TLK2: variants seen among roughly 807,000 people sequenced by gnomAD.
The protein encoded by TLK2 is tousled like kinase 2, also known as serine/threonine-protein kinase tousled-like 2.
TLK2 carries 6 observed loss-of-function variants against 117.3 expected under a neutral mutation model. That is an observed-to-expected ratio of 0.05 (90% CI 0.03 to 0.10). The LOEUF (loss-of-function observed/expected upper bound fraction) is 0.10. TLK2 is among the 10% of genes least tolerant of loss of function. TLK2 has a pLI of 1.00. For missense variants in TLK2, 299 were observed against 901.2 expected (o/e 0.33, Z 8.56); for synonymous variants, 257 against 316.7 (o/e 0.81, Z 2.00).
chr17:62,500,977 A>T (rs749549323), intron 2 of TLK2, among the ~76,000 whole-genome samples: 2 of 152,182 alleles, frequency 1.3e-5, no homozygotes, highest in Non-Finnish European at 2.9e-5. Flanking sequence ...GGTGACTCAC[A>T]CCTGTAATCC....
At chr17:62,583,681 GA>G (rs2081379983) in intron 15 of TLK2, among the ~76,000 whole-genome samples, 2 of 151,828 alleles carry the variant, frequency 1.3e-5, no homozygotes, top group Non-Finnish European at 2.9e-5. Context: ...GGGTTCAAGT[GA>G]TTCTCCTGGC....
chr17:62,518,448 A>T (rs1567836275), intron 2 of TLK2, among the ~76,000 whole-genome samples: 1 of 152,202 alleles, frequency 6.6e-6, no homozygotes. Context: ...TCATGGCTAT[A>T]ATCTCAGCAC....
chr17:62,584,407 G>A (rs1357749085), intron 15 of TLK2, among the ~76,000 whole-genome samples: 3 of 151,990 alleles, frequency 2.0e-5, no homozygotes, highest in Admixed American at 1.3e-4. Flanking sequence ...GAGCCATCGC[G>A]CCCGGCTTAT....
At chr17:62,495,351 T>C (rs1275404170) in intron 2 of TLK2, among the ~76,000 whole-genome samples, 1 of 152,074 alleles carries the variant, frequency 6.6e-6, no homozygotes, top group East Asian at 1.9e-4. Context: ...GAATGATTAG[T>C]ATAGGATAGC....
At chr17:62,580,977 G>A (rs2081173143) in intron 15 of TLK2, among the ~76,000 whole-genome samples, 1 of 152,022 alleles carries the variant, frequency 6.6e-6, no homozygotes, top group South Asian at 2.1e-4. Flanking sequence ...TATTTCTACT[G>A]TTTTCTTATT....
At chr17:62,584,906 T>C (rs1442548891) in intron 15 of TLK2, among the ~76,000 whole-genome samples, 1 of 152,218 alleles carries the variant, frequency 6.6e-6, no homozygotes, top group Non-Finnish European at 1.5e-5. Flanking sequence ...TGTATATTTG[T>C]GGAAATTAGC....
chr17:62,547,596 C>T (rs541234431), intron 7 of TLK2, among the ~76,000 whole-genome samples: 19 of 152,260 alleles, frequency 1.2e-4, no homozygotes, highest in East Asian at 9.6e-4. Context: ...TAACTGCCAA[C>T]GTCCTCAGTT....
chr17:62,507,827 T>G (rs1356210347), intron 2 of TLK2, among the ~76,000 whole-genome samples: 2 of 152,028 alleles, frequency 1.3e-5, no homozygotes, highest in African/African-American at 4.8e-5. Flanking sequence ...TCCACAGAAT[T>G]TTCTCTAGGC....
chr17:62,538,325 G>A (rs1481969005), intron 7 of TLK2, among the ~76,000 whole-genome samples: 4 of 152,044 alleles, frequency 2.6e-5, no homozygotes, highest in Non-Finnish European at 4.4e-5. Flanking sequence ...ATGAGCCACC[G>A]CGCCTGGCCT....
intron 15 of TLK2, among the ~76,000 whole-genome samples, chr17:62,581,017 A>G (rs2081177225): frequency 6.6e-6 from 1 of 151,764 alleles, no homozygotes; most frequent in Non-Finnish European, 1.5e-5. Context: ...GGTTTTATTT[A>G]TTTATTTATT....
At chr17:62,540,907 G>A (rs2077481682) in intron 7 of TLK2, among the ~76,000 whole-genome samples, 1 of 152,166 alleles carries the variant, frequency 6.6e-6, no homozygotes. Context: ...TGCATGGTTT[G>A]TTTTCCTCCA....
At position 62,540,978 on chromosome 17, in the gene TLK2, T is replaced by C. The variant is rs2077486451; in HGVS notation, c.531+4641T>C. 2.0e-5 allele frequency among the ~76,000 whole-genome samples: 3 copies of C among 152,148 alleles called. No individual in the cohort carries two copies. In the South Asian group the frequency reaches 6.2e-4, roughly 32 times the overall value. On this transcript the variant is annotated intron_variant, in intron 7 of 21. Coordinates refer to ENST00000346027, the MANE Select transcript of TLK2 (RefSeq NM_006852.6). ...CAGATTCCATGCACGCTAGCCACCT[T>C]GTTTTCTCAAATACTCTCTCTCAGT... is the stretch of plus-strand genomic sequence containing the variant.
chr17:62,530,303 A>C (rs554024871), intron 6 of TLK2, among the ~76,000 whole-genome samples: 1 of 152,032 alleles, frequency 6.6e-6, no homozygotes, highest in South Asian at 2.1e-4. Context: ...CAAACAAAAA[A>C]CAACATTTAA....
chr17:62,537,423 G>A (rs2077191464), intron 7 of TLK2, among the ~76,000 whole-genome samples: 1 of 152,214 alleles, frequency 6.6e-6, no homozygotes, highest in African/African-American at 2.4e-5. Flanking sequence ...ATTAGACACT[G>A]TGAGCTGACG....
chr17:62,575,624 A>T (rs1199871628), intron 12 of TLK2, among the ~76,000 whole-genome samples: 1 of 152,188 alleles, frequency 6.6e-6, no homozygotes, highest in Non-Finnish European at 1.5e-5. Context: ...GGAAGAAAAA[A>T]TAATTCTCAC....
intron 2 of TLK2, among the ~76,000 whole-genome samples, chr17:62,495,379 CAA>C (rs2073544792): frequency 6.6e-6 from 1 of 151,924 alleles, no homozygotes; most frequent in East Asian, 1.9e-4. Flanking sequence ...TGAAGCTTAG[CAA>C]AAGAGTTTAG....
rs1216168972 is a variant in TLK2 at position 62,602,148 on chromosome 17, G to A, written c.1827G>A (p.Met609Ile). 6.2e-7 allele frequency: 1 copy of A among 1,613,698 alleles called. No homozygotes were observed. Among genetic ancestry groups the A allele is most frequent in the Non-Finnish European group, 8.5e-7 (1 of 1,179,812 alleles). The change falls in exon 19 of 22, where the codon ATG (methionine) becomes ATA (isoleucine). Residue 609 changes from methionine (M) to isoleucine (I), a missense_variant. Around this residue, in one of 4 missense-constraint regions of TLK2, gnomAD observed 81 missense variants for 370.9 expected, o/e 0.22. Coordinates refer to ENST00000346027, the MANE Select transcript of TLK2 (RefSeq NM_006852.6). Reference protein sequence around the residue: ...DDDSYNSVDGMELTSQGAGTY... With the variant: ...DDDSYNSVDGIELTSQGAGTY... Reference sequence around the variant, plus strand: ...ATAGCTACAATTCAGTGGATGGCATGGAGCTAACATCACAAGGTGCTGGTA... The same window carrying A: ...ATAGCTACAATTCAGTGGATGGCATAGAGCTAACATCACAAGGTGCTGGTA...
chr17:62,584,881 T>C (rs894891807), intron 15 of TLK2, among the ~76,000 whole-genome samples: 7 of 152,210 alleles, frequency 4.6e-5, no homozygotes, highest in African/African-American at 1.7e-4. Flanking sequence ...TCTGCACTTG[T>C]TGCCTTCATT....
At chr17:62,573,119 TGAAA>T in intron 11 of TLK2, 92 bp from the exon 12 acceptor site, 1 of 1,385,192 alleles carries the variant, frequency 7.2e-7, no homozygotes, top group Non-Finnish European at 9.6e-7. Context: ...TTATTTTTTC[TGAAA>T]TTGGATACAC....
Sources: allele counts gnomAD v4.1 joint callset (sites outside exome capture counted in the v4.1 genomes callset), GRCh38; gene constraint gnomAD v4.1.1; regional missense constraint gnomAD v4.1.1; transcripts MANE v1.5; gene names NCBI Gene and HGNC (gene_info 2026-07-23, HGNC 2026-07-21).